EPHA5: variants seen among roughly 807,000 people sequenced by gnomAD.
EPHA5 encodes the protein ephrin type-A receptor 5.
A neutral mutation model predicts 105.0 loss-of-function variants in EPHA5; 60 were observed. The ratio of observed to expected loss-of-function variants is 0.57; its 90% CI spans 0.46 to 0.71. EPHA5 has a LOEUF of 0.71. Ranked by LOEUF, EPHA5 falls within the 30% of genes least tolerant of loss-of-function variation. EPHA5 has a pLI of 0.00. For missense variants in EPHA5, 1,218 were observed against 1,274.7 expected (o/e 0.96, Z 0.68); for synonymous variants, 513 against 449.1 (o/e 1.14, Z -1.80).
chr4:65,590,700 T>C (rs1742552116), intron 3 of EPHA5, among the ~76,000 whole-genome samples: 1 of 152,160 alleles, frequency 6.6e-6, no homozygotes, highest in Non-Finnish European at 1.5e-5. Flanking sequence ...TCAGATAGTT[T>C]TCTATGCAAC....
chr4:65,464,502 C>T (rs149017488), intron 5 of EPHA5, among the ~76,000 whole-genome samples: 4 of 152,058 alleles, frequency 2.6e-5, no homozygotes, highest in East Asian at 1.9e-4. Flanking sequence ...GAAAATCAAA[C>T]GTTGTGATAG....
intron 3 of EPHA5, among the ~76,000 whole-genome samples, chr4:65,540,542 A>G (rs1351284495): frequency 1.3e-5 from 2 of 151,500 alleles, no homozygotes; most frequent in South Asian, 2.1e-4. Flanking sequence ...ACTATTTTTA[A>G]ATAATGAAAG....
intron 2 of EPHA5, among the ~76,000 whole-genome samples, chr4:65,626,711 A>G (rs973316833): frequency 1.3e-5 from 2 of 152,122 alleles, no homozygotes; most frequent in African/African-American, 4.8e-5. Flanking sequence ...CATGTAATAC[A>G]GTAGATTTAG....
At chr4:65,467,123 A>T (rs1181297784) in intron 5 of EPHA5, among the ~76,000 whole-genome samples, 1 of 152,120 alleles carries the variant, frequency 6.6e-6, no homozygotes, top group Non-Finnish European at 1.5e-5. Flanking sequence ...CCAATGGACC[A>T]CCTCCATAAC....
intron 2 of EPHA5, among the ~76,000 whole-genome samples, chr4:65,631,278 T>C (rs552450768): frequency 1.3e-5 from 2 of 152,302 alleles, no homozygotes; most frequent in African/African-American, 4.8e-5. Flanking sequence ...TTCATATCAG[T>C]GAAAAACAAT....
chr4:65,449,463 A>G (rs1469882685), intron 5 of EPHA5, among the ~76,000 whole-genome samples: 2 of 152,222 alleles, frequency 1.3e-5, no homozygotes, highest in African/African-American at 4.8e-5. Context: ...ACAAAACCCA[A>G]GAACAGAAGC....
At chr4:65,556,807 T>A (rs538610522) in intron 3 of EPHA5, among the ~76,000 whole-genome samples, 1 of 152,214 alleles carries the variant, frequency 6.6e-6, no homozygotes, top group Non-Finnish European at 1.5e-5. Context: ...TGATATGTTA[T>A]GATCCAGGAA....
intron 5 of EPHA5, among the ~76,000 whole-genome samples, chr4:65,461,106 A>G (rs1728081449): frequency 6.6e-6 from 1 of 151,896 alleles, no homozygotes; most frequent in Non-Finnish European, 1.5e-5. Context: ...CTAAATTTTA[A>G]CATTTTGAAA....
intron 2 of EPHA5, among the ~76,000 whole-genome samples, chr4:65,607,708 A>G (rs1390310757): frequency 1.3e-5 from 2 of 152,198 alleles, no homozygotes; most frequent in Non-Finnish European, 2.9e-5. Context: ...GTGTGGAGAA[A>G]TAGGAACACT....
At chr4:65,626,217 C>T (rs186953854) in intron 2 of EPHA5, among the ~76,000 whole-genome samples, 56 of 151,824 alleles carry the variant, frequency 3.7e-4, no homozygotes, top group African/African-American at 1.3e-3. Flanking sequence ...TAAAACATGG[C>T]TTGATATTTA....
intron 3 of EPHA5, among the ~76,000 whole-genome samples, chr4:65,526,266 T>C (rs983436048): frequency 6.6e-6 from 1 of 151,896 alleles, no homozygotes; most frequent in Admixed American, 6.6e-5. Context: ...ATAACGTGAC[T>C]ATGCCAAATA....
intron 5 of EPHA5, among the ~76,000 whole-genome samples, chr4:65,454,291 A>AAATAATAATAAT (rs572468101): frequency 4.7e-5 from 7 of 149,856 alleles, no homozygotes; most frequent in African/African-American, 1.7e-4. Flanking sequence ...TAATAATAAT[A>AAATAATAATAAT]AATAATAATA....
At chr4:65,360,884 A>G (rs1453606547) in intron 11 of EPHA5, among the ~76,000 whole-genome samples, 1 of 151,468 alleles carries the variant, frequency 6.6e-6, no homozygotes, top group Non-Finnish European at 1.5e-5. Flanking sequence ...GGGGTGACAA[A>G]CCTATGCTAG....
At chr4:65,476,274 A>C (rs1283741909) in intron 5 of EPHA5, among the ~76,000 whole-genome samples, 2 of 152,112 alleles carry the variant, frequency 1.3e-5, no homozygotes, top group African/African-American at 4.8e-5. Flanking sequence ...AAACCACTAA[A>C]GATTGAAAAT....
rs144418305 is a variant in EPHA5, at chr4:65,393,088, G to A, written c.1793+11286C>T. ...CTTTTTCCTCTATTCATGACAGAAA[G>A]TTTGATATAAGACTTCACATGTCAG... On this transcript the variant is annotated intron_variant, in intron 8 of 16. Transcript: ENST00000613740. Among the ~76,000 whole-genome samples, 202 of 152,270 alleles carry A rather than the reference G, an allele frequency of 1.3e-3. 2 individuals carry two copies. Among genetic ancestry groups the A allele is most frequent in the African/African-American group, 4.5e-3 (186 of 41,572 alleles).
chr4:65,526,809 A>T (rs755988729), intron 3 of EPHA5, among the ~76,000 whole-genome samples: 6 of 152,024 alleles, frequency 3.9e-5, no homozygotes, highest in Non-Finnish European at 5.9e-5. Context: ...ACCTTCTTAG[A>T]AAACTGCAGC....
intron 3 of EPHA5, among the ~76,000 whole-genome samples, chr4:65,594,770 A>G (rs1454199262): frequency 2.0e-5 from 3 of 152,134 alleles, no homozygotes; most frequent in African/African-American, 7.2e-5. Flanking sequence ...AATGGGTTTT[A>G]TACTTTCAAC....
At chr4:65,376,297 C>A (rs1423728484) in intron 8 of EPHA5, among the ~76,000 whole-genome samples, 1 of 152,008 alleles carries the variant, frequency 6.6e-6, no homozygotes, top group East Asian at 1.9e-4. Context: ...TGGAGTATTT[C>A]ACTTTTCACA....
At chr4:65,642,264 G>C (rs1747734213) in intron 2 of EPHA5, among the ~76,000 whole-genome samples, 1 of 152,200 alleles carries the variant, frequency 6.6e-6, no homozygotes, top group African/African-American at 2.4e-5. Flanking sequence ...CTCATAGACA[G>C]ATGTTAGCCA....
Sources: allele counts gnomAD v4.1 joint callset (sites outside exome capture counted in the v4.1 genomes callset), GRCh38; gene constraint gnomAD v4.1.1; transcripts MANE v1.5; gene names NCBI Gene and HGNC (gene_info 2026-07-23, HGNC 2026-07-21).